The following RAB20 variants were observed in gnomAD, a reference collection of about 807,000 sequenced individuals.
RAB20 encodes ras-related protein Rab-20.
RAB20 carries 2 observed loss-of-function variants against 3.7 expected under a neutral mutation model. The observed-to-expected ratio is 0.54, with a 90% CI of 0.22 to 1.69. The LOEUF is 1.69. Among genes scored for constraint, RAB20 ranks in the 40% most tolerant of loss-of-function variants. RAB20 has a pLI of 0.19. For missense variants in RAB20, 276 were observed against 311.9 expected (o/e 0.88, Z 0.87); for synonymous variants, 126 against 130.8 (o/e 0.96, Z 0.25).
chr13:110,524,258 C>A, intron 1 of RAB20, 61 bp from the exon 2 acceptor site: 1 of 1,513,708 alleles, frequency 6.6e-7, no homozygotes, highest in East Asian at 2.3e-5. Flanking sequence ...TAGCCACCAG[C>A]CACACTGCAA....
chr13:110,524,959 G>T (rs1884402039), intron 1 of RAB20, among the ~76,000 whole-genome samples: 1 of 152,340 alleles, frequency 6.6e-6, no homozygotes, highest in Non-Finnish European at 1.5e-5. Context: ...CAGGCAAGCC[G>T]GGAACCTGCT....
At position 110,536,733 on chromosome 13, in the gene RAB20, G is replaced by A. The variant is rs899361334; in HGVS notation, c.173-12536C>T. Among the ~76,000 whole-genome samples, 3 of 98,898 alleles carry A rather than the reference G, an allele frequency of 3.0e-5. 1 individual carries two copies. The highest frequency in any genetic ancestry group is 2.3e-4 in the Admixed American group (2 of 8,656). 64.9% of individuals were successfully genotyped at this position (98,898 alleles called of 152,430 possible). A position where few individuals can be genotyped will look rare whatever the true frequency, so the allele number is the denominator to read the frequency against. On this transcript the variant is annotated intron_variant, in intron 1 of 1. Transcript: ENST00000267328. The stretch of plus-strand genomic sequence containing the variant: ...AATGGCTTTTTTTTGGGGCGGTGGG[G>A]GGGGGTTGTTTTTATGTTTATTTTA...
At chr13:110,547,429 G>A (rs1249876801) in intron 1 of RAB20, among the ~76,000 whole-genome samples, 5 of 152,182 alleles carry the variant, frequency 3.3e-5, no homozygotes, top group South Asian at 2.1e-4. Flanking sequence ...ATTTACTATC[G>A]TTGGGTGCAG....
intron 1 of RAB20, among the ~76,000 whole-genome samples, chr13:110,544,557 C>T (rs1884819340): frequency 6.6e-6 from 1 of 152,162 alleles, no homozygotes; most frequent in Non-Finnish European, 1.5e-5. Flanking sequence ...GACTCTAATA[C>T]AGATGTAAAA....
intron 1 of RAB20, among the ~76,000 whole-genome samples, chr13:110,546,719 GTTTT>G (rs774037902): frequency 6.8e-4 from 84 of 122,860 alleles, no homozygotes; most frequent in African/African-American, 1.7e-3. Context: ...TGTTTTTTGG[GTTTT>G]TTGTTTGTTT....
At chr13:110,546,999 C>T (rs1002326612) in intron 1 of RAB20, among the ~76,000 whole-genome samples, 2 of 152,148 alleles carry the variant, frequency 1.3e-5, no homozygotes, top group Admixed American at 6.5e-5. Flanking sequence ...CTGAGTCTCC[C>T]GAAGTGCTGG....
intron 1 of RAB20, among the ~76,000 whole-genome samples, chr13:110,528,348 G>T (rs886306528): frequency 1.3e-5 from 2 of 149,530 alleles, no homozygotes; most frequent in Non-Finnish European, 3.0e-5. Context: ...CCTGGGAGGC[G>T]GAGGTTGCGG....
intron 1 of RAB20, among the ~76,000 whole-genome samples, chr13:110,550,286 G>A (rs932510876): frequency 1.5e-4 from 23 of 152,088 alleles, no homozygotes; most frequent in Admixed American, 6.5e-5. Flanking sequence ...CTCTTCATGC[G>A]GTTGTTCATT....
chr13:110,561,276 T>C, intron 1 of RAB20, 72 bp downstream of exon 1: 1 of 1,458,600 alleles, frequency 6.9e-7, no homozygotes, highest in East Asian at 2.8e-5. Flanking sequence ...CCGGGTGCCC[T>C]GCTGGAAGCC....
At chr13:110,544,326 G>C (rs990546436) in intron 1 of RAB20, among the ~76,000 whole-genome samples, 1 of 152,198 alleles carries the variant, frequency 6.6e-6, no homozygotes. Context: ...GTCAGGCAGT[G>C]TGATGCTTCC....
intron 1 of RAB20, among the ~76,000 whole-genome samples, chr13:110,559,054 T>C (rs1413894330): frequency 1.3e-5 from 2 of 152,246 alleles, no homozygotes; most frequent in East Asian, 3.9e-4. Flanking sequence ...GTCAATGGAA[T>C]AGGGTAATGT....
chr13:110,534,457 C>T (rs1280281526), intron 1 of RAB20, among the ~76,000 whole-genome samples: 4 of 152,216 alleles, frequency 2.6e-5, no homozygotes, highest in Non-Finnish European at 5.9e-5. Flanking sequence ...CCGTGATGTA[C>T]GAGTGTGCCG....
At position 110,524,883 on chromosome 13, in the gene RAB20, C is replaced by T. The variant is rs531772950; in HGVS notation, c.173-686G>A. On this transcript the variant is annotated intron_variant, in intron 1 of 1. Coordinates refer to ENST00000267328, the MANE Select transcript of RAB20 (RefSeq NM_017817.3). ...GAGGAGCCAGGCCCCAGCATTCGCA[C>T]TTCTTGTGGGTGCCGCAGCCCCGCC... Among the ~76,000 whole-genome samples, 3 of 152,374 alleles carry T rather than the reference C, an allele frequency of 2.0e-5. No homozygotes were observed. The South Asian group carries it at 6.2e-4, about 32-fold the overall frequency.
intron 1 of RAB20, among the ~76,000 whole-genome samples, chr13:110,546,716 T>TTTG (rs1448761652): frequency 7.6e-6 from 1 of 131,438 alleles, no homozygotes; most frequent in Non-Finnish European, 1.7e-5. Context: ...TTTTGTTTTT[T>TTTG]GGGTTTTTTG....
chr13:110,537,641 G>C (rs1054454445), intron 1 of RAB20, among the ~76,000 whole-genome samples: 2 of 151,650 alleles, frequency 1.3e-5, no homozygotes, highest in Admixed American at 6.6e-5. Context: ...AGAAGAACAG[G>C]GCCAGGCGCT....
At chr13:110,539,916 T>C (rs759711248) in intron 1 of RAB20, among the ~76,000 whole-genome samples, 1 of 152,220 alleles carries the variant, frequency 6.6e-6, no homozygotes, top group Admixed American at 6.5e-5. Flanking sequence ...TTCTTCTTGA[T>C]GATCTGAAGG....
chr13:110,524,386 C>G (rs191967719), intron 1 of RAB20, among the ~76,000 whole-genome samples, 189 bp from the exon 2 acceptor site: 207 of 152,298 alleles, frequency 1.4e-3, no homozygotes, highest in Middle Eastern at 3.4e-3. Flanking sequence ...GGCAGCCCCT[C>G]GAGAAAACAA....
chr13:110,549,493 C>A (rs970756305), intron 1 of RAB20, among the ~76,000 whole-genome samples: 1 of 152,120 alleles, frequency 6.6e-6, no homozygotes. Context: ...ATGTTGGGTG[C>A]CTTAGGCCTC....
chr13:110,542,055 T>TTTTTG (rs544599023), intron 1 of RAB20, among the ~76,000 whole-genome samples: 1 of 152,132 alleles, frequency 6.6e-6, no homozygotes, highest in Non-Finnish European at 1.5e-5. Flanking sequence ...GTTGGTTTTG[T>TTTTTG]TTTTGTTTTG....
Sources: gnomAD v4.1 joint callset for allele counts (sites outside exome capture counted in the v4.1 genomes callset) on GRCh38, gnomAD v4.1.1 for gene constraint, MANE v1.5 for transcripts, NCBI Gene and HGNC (gene_info 2026-07-23, HGNC 2026-07-21) for gene names.